ZNF407: variants seen among roughly 807,000 people sequenced by gnomAD.
ZNF407 encodes the protein zinc finger protein 407.
In ZNF407, 17 loss-of-function variants were observed where a neutral mutation model predicts 131.2. That is an observed-to-expected ratio of 0.13 (90% CI 0.09 to 0.19). The LOEUF is 0.19. ZNF407 is among the 10% of genes least tolerant of loss of function. ZNF407 has a pLI of 1.00. For missense variants in ZNF407, 2,681 were observed against 2,830.6 expected (o/e 0.95, Z 1.20); for synonymous variants, 1,156 against 1,062.0 (o/e 1.09, Z -1.72).
At chr18:74,642,095 G>T (rs1003992529) in intron 3 of ZNF407, among the ~76,000 whole-genome samples, 2 of 151,824 alleles carry the variant, frequency 1.3e-5, no homozygotes, top group African/African-American at 4.8e-5. Flanking sequence ...AACAAGTTCT[G>T]TTATTTGTTG....
intron 3 of ZNF407, among the ~76,000 whole-genome samples, chr18:74,711,002 T>C (rs1403738191): frequency 1.5e-5 from 1 of 65,010 alleles, no homozygotes; most frequent in Non-Finnish European, 3.5e-5. Flanking sequence ...TGGATGCTAT[T>C]ATCAATTCAC....
chr18:74,949,822 A>C (rs367858596), intron 8 of ZNF407, among the ~76,000 whole-genome samples: 1 of 152,214 alleles, frequency 6.6e-6, no homozygotes, highest in Non-Finnish European at 1.5e-5. Context: ...TAGGAAGGTC[A>C]ACACAAGGGC....
At position 74,864,703 on chromosome 18, in the gene ZNF407, A is replaced by C. The variant is rs116188055; in HGVS notation, c.4878-12494A>C. 1.5e-3 allele frequency among the ~76,000 whole-genome samples: 227 copies of C among 152,318 alleles called. 1 individual carries two copies. Among genetic ancestry groups the C allele is most frequent in the African/African-American group, 5.3e-3 (220 of 41,582 alleles). ...TTTCGAATTATTTAGGGAGTGTGTG[A>C]ATATGAAAGTAGAAAATAATTGAAG... On this transcript the variant is annotated intron_variant, in intron 4 of 8. Transcript: ENST00000299687.
chr18:74,792,573 A>G (rs559884414), intron 4 of ZNF407, among the ~76,000 whole-genome samples: 2 of 151,742 alleles, frequency 1.3e-5, no homozygotes, highest in Admixed American at 6.6e-5. Flanking sequence ...AATATCGAAC[A>G]TTAGGAGAAA....
At chr18:74,795,733 C>G (rs1014541851) in intron 4 of ZNF407, among the ~76,000 whole-genome samples, 7 of 152,242 alleles carry the variant, frequency 4.6e-5, no homozygotes, top group African/African-American at 1.7e-4. Context: ...GAGCAGAGAC[C>G]TTTAAACTCT....
At chr18:74,740,119 C>T (rs1968513828) in intron 3 of ZNF407, among the ~76,000 whole-genome samples, 1 of 152,124 alleles carries the variant, frequency 6.6e-6, no homozygotes, top group African/African-American at 2.4e-5. Flanking sequence ...GGCTGAAATC[C>T]AGACGACCTC....
At chr18:74,791,194 A>G (rs1384599747) in intron 4 of ZNF407, among the ~76,000 whole-genome samples, 1 of 152,212 alleles carries the variant, frequency 6.6e-6, no homozygotes, top group Non-Finnish European at 1.5e-5. Flanking sequence ...TTTCAAGAAC[A>G]TTAAGGCACT....
intron 3 of ZNF407, among the ~76,000 whole-genome samples, chr18:74,685,452 C>G (rs1015655749): frequency 5.3e-5 from 8 of 152,170 alleles, no homozygotes; most frequent in Admixed American, 5.2e-4. Context: ...CCTCTGTCCT[C>G]CCTCCTCAGC....
intron 4 of ZNF407, among the ~76,000 whole-genome samples, chr18:74,837,856 G>A (rs1970579439): frequency 6.6e-6 from 1 of 152,054 alleles, no homozygotes; most frequent in Non-Finnish European, 1.5e-5. Flanking sequence ...ATTTCACCAT[G>A]TTACCCAGTT....
Position 74,633,335 on chromosome 18 carries a change from A to G in ZNF407, c.2316A>G (p.Glu772=). 7.4e-6 allele frequency: 12 copies of G among 1,613,526 alleles called. No individual in the cohort carries two copies. Among genetic ancestry groups the G allele is most frequent in the East Asian group, 2.2e-5 (1 of 44,876 alleles). ...AKKNNIGLSF[E]ECIERVCIGA... ...AAAATAATATTGGCTTAAGCTTTGA[A>G]GAATGTATTGAAAGGGTATGTATAG... Residue 772 remains glutamate (E), a synonymous_variant, in exon 2 of 9, where the codon GAA becomes GAG. Transcript: ENST00000299687.
At chr18:74,621,101 CTCTTTATTAT>C (rs1983491352) in intron 1 of ZNF407, among the ~76,000 whole-genome samples, 1 of 151,446 alleles carries the variant, frequency 6.6e-6, no homozygotes, top group Non-Finnish European at 1.5e-5. Flanking sequence ...TCTACTGTAT[CTCTTTATTAT>C]TATTATTTTT....
intron 3 of ZNF407, among the ~76,000 whole-genome samples, chr18:74,759,969 TC>T (rs1440265903): frequency 2.0e-5 from 3 of 151,150 alleles, no homozygotes; most frequent in Non-Finnish European, 2.9e-5. Flanking sequence ...TCTCTCTCTC[TC>T]TCTCCATATA....
rs953025324 is a variant in ZNF407 at position 74,597,942 on chromosome 18, G to A, written c.-54+5G>A. ...AGCGATTCCGTCGCCAAACAGGTAAGTTATTCTCTGGCCGGGGCGGGGGGT... is the reference window on the plus strand; with the variant it reads ...AGCGATTCCGTCGCCAAACAGGTAAATTATTCTCTGGCCGGGGCGGGGGGT... On this transcript the variant is annotated splice_donor_5th_base_variant and intron_variant, in intron 1 of 8. Coordinates refer to ENST00000299687, the MANE Select transcript of ZNF407 (RefSeq NM_017757.3). 20 of 152,538 alleles carry A rather than the reference G, an allele frequency of 1.3e-4. No homozygotes were observed. Among genetic ancestry groups the A allele is most frequent in the African/African-American group, 4.6e-4 (19 of 41,510 alleles). 9.4% of individuals were successfully genotyped at this position (152,538 alleles called of 1,614,324 possible). A position where few individuals can be genotyped will look rare whatever the true frequency, so the allele number is the denominator to read the frequency against.
At position 75,025,930 on chromosome 18, in the gene ZNF407, A is replaced by G. The variant is rs144955167; in HGVS notation, c.5429-37220A>G. On this transcript the variant is annotated intron_variant, in intron 8 of 8. Coordinates refer to ENST00000299687, the MANE Select transcript of ZNF407 (RefSeq NM_017757.3). ...ATTCAGTGAAGAGTGATTATCCTAT[A>G]TGGTTGGTGAGATCTGTAAGGTTTT... Among the ~76,000 whole-genome samples, 43 of 152,254 alleles carry G rather than the reference A, an allele frequency of 2.8e-4. No homozygotes were observed. In the East Asian group the frequency reaches 6.8e-3, roughly 24 times the overall value.
chr18:74,661,684 T>A (rs1985722184), intron 3 of ZNF407, among the ~76,000 whole-genome samples: 1 of 152,166 alleles, frequency 6.6e-6, no homozygotes, highest in Non-Finnish European at 1.5e-5. Flanking sequence ...TATTCTATAG[T>A]TTCTTTGTCA....
intron 8 of ZNF407, among the ~76,000 whole-genome samples, chr18:74,981,675 TG>T (rs11286088): frequency 0.17 from 25,158 of 152,050 alleles, 2,299 homozygotes; most frequent in Admixed American, 0.28. Context: ...AGGATGTGAC[TG>T]GGGAGGACGC....
intron 8 of ZNF407, among the ~76,000 whole-genome samples, chr18:75,021,609 A>G (rs938833702): frequency 1.3e-5 from 2 of 152,158 alleles, no homozygotes; most frequent in Non-Finnish European, 2.9e-5. Context: ...GTCAATGTAA[A>G]AGGGAAATAT....
intron 8 of ZNF407, among the ~76,000 whole-genome samples, chr18:74,991,943 T>G (rs1310501670): frequency 6.6e-6 from 1 of 152,252 alleles, no homozygotes; most frequent in Non-Finnish European, 1.5e-5. Context: ...CTTTTTAGCA[T>G]GAACCTTGTA....
chr18:74,981,710 A>G (rs1198581961), intron 8 of ZNF407, among the ~76,000 whole-genome samples: 2 of 152,202 alleles, frequency 1.3e-5, no homozygotes, highest in East Asian at 3.9e-4. Context: ...CAAGCCACAC[A>G]CATGGAGACC....
Sources: gnomAD v4.1 joint callset for allele counts (sites outside exome capture counted in the v4.1 genomes callset) on GRCh38, gnomAD v4.1.1 for gene constraint, MANE v1.5 for transcripts, NCBI Gene and HGNC (gene_info 2026-07-23, HGNC 2026-07-21) for gene names.